Variants in BTBD9 observed in about 807,000 individuals in gnomAD.
BTBD9 encodes BTB domain containing 9, also known as BTB/POZ domain-containing protein 9.
In BTBD9, 49 loss-of-function variants were observed where a neutral mutation model predicts 64.3. The observed-to-expected ratio is 0.76, with a 90% CI of 0.61 to 0.97. The LOEUF (loss-of-function observed/expected upper bound fraction) is 0.97. BTBD9 is among the 50% of genes least tolerant of loss of function. The probability of loss-of-function intolerance (pLI) is 0.00; values close to 1 mark genes in which losing one functional copy is unlikely to be tolerated. For synonymous variants in BTBD9, 260 were observed against 274.7 expected, an observed-to-expected ratio of 0.95 and a Z score of 0.53; for missense variants, 598 against 762.1, an observed-to-expected ratio of 0.78 and a Z score of 2.53.
chr6:38,517,497 T>C (rs1773088446), intron 6 of BTBD9, among the ~76,000 whole-genome samples: 1 of 152,114 alleles, frequency 6.6e-6, no homozygotes, highest in Non-Finnish European at 1.5e-5. Context: ...CAAGTCACTT[T>C]TGGACTTGTA....
intron 9 of BTBD9, among the ~76,000 whole-genome samples, chr6:38,232,699 A>G (rs575595069): frequency 7.1e-6 from 1 of 141,102 alleles, no homozygotes; most frequent in Non-Finnish European, 1.5e-5. Context: ...AGGTCTCGCT[A>G]TGTTACCCAG....
chr6:38,581,720 G>T (rs1201349031), intron 4 of BTBD9, among the ~76,000 whole-genome samples: 2 of 152,168 alleles, frequency 1.3e-5, no homozygotes, highest in African/African-American at 2.4e-5. Flanking sequence ...CTTTGAAGAA[G>T]TTTCCCTCTC....
intron 9 of BTBD9, among the ~76,000 whole-genome samples, chr6:38,228,312 A>G (rs961342140): frequency 1.5e-5 from 2 of 133,324 alleles, no homozygotes; most frequent in Non-Finnish European, 1.5e-5. Context: ...ACACCACTGC[A>G]CTCAGCCTGG....
intron 6 of BTBD9, among the ~76,000 whole-genome samples, chr6:38,548,086 AT>A (rs1247700566): frequency 1.3e-5 from 2 of 152,188 alleles, no homozygotes; most frequent in Admixed American, 6.5e-5. Context: ...TTATACCCTT[AT>A]TTTTTATACT....
intron 10 of BTBD9, among the ~76,000 whole-genome samples, chr6:38,182,140 G>A (rs1398667809): frequency 6.6e-6 from 1 of 152,120 alleles, no homozygotes; most frequent in Non-Finnish European, 1.5e-5. Context: ...TAAGTTTCTG[G>A]GTGACAATGC....
In BTBD9 at chr6:38,193,715, G is replaced by A. The variant is rs534139717; in HGVS notation, c.1563-1118C>T. The A allele has an allele frequency of 2.7e-5, 18 of 670,288 alleles. No homozygotes were observed. The South Asian group carries it at 5.4e-4, about 20-fold the overall frequency. 41.5% of individuals were successfully genotyped at this position (670,288 alleles called of 1,614,324 possible). A position where few individuals can be genotyped will look rare whatever the true frequency, so the allele number is the denominator to read the frequency against. ...TCACAGTTGCTGCCATCCCTCCTCC[G>A]CTCTCACAGTGGAAATGCCAGCTGC... On this transcript the variant is annotated intron_variant, in intron 9 of 10. Transcript: ENST00000481247.
rs1024636725 is a variant in BTBD9, at chr6:38,528,733, C to A, written c.1154+48867G>T. On this transcript the variant is annotated intron_variant, in intron 6 of 10. Transcript: ENST00000481247. The stretch of plus-strand genomic sequence containing the variant: ...CAGTCCTGGCAGAATTCATTACCTG[C>A]TGACTAAAGAGCCTTTGGGCCCTGA... Among the ~76,000 whole-genome samples the A allele has an allele frequency of 2.2e-4, 34 of 152,162 alleles. 1 individual carries two copies. The highest frequency in any genetic ancestry group is 2.1e-3 in the Admixed American group (32 of 15,282).
chr6:38,494,007 G>C (rs984122658), intron 6 of BTBD9, among the ~76,000 whole-genome samples: 2 of 152,134 alleles, frequency 1.3e-5, no homozygotes, highest in Admixed American at 6.5e-5. Context: ...ACAGCTAAAG[G>C]CTGAATGTTA....
intron 9 of BTBD9, among the ~76,000 whole-genome samples, chr6:38,256,137 G>T (rs1033099949): frequency 6.6e-6 from 1 of 152,060 alleles, no homozygotes; most frequent in East Asian, 1.9e-4. Context: ...ATTGCATAAG[G>T]AAAGTTTTTT....
intron 6 of BTBD9, among the ~76,000 whole-genome samples, chr6:38,375,876 A>G (rs1490688074): frequency 6.6e-6 from 1 of 150,832 alleles, no homozygotes; most frequent in Non-Finnish European, 1.5e-5. Flanking sequence ...GAGTCTACAA[A>G]CAAAAGAAAG....
chr6:38,475,043 C>T (rs757975741), intron 6 of BTBD9, among the ~76,000 whole-genome samples: 4 of 152,018 alleles, frequency 2.6e-5, no homozygotes, highest in East Asian at 1.9e-4. Flanking sequence ...CTATACACCC[C>T]TCGAAAATGT....
intron 8 of BTBD9, among the ~76,000 whole-genome samples, chr6:38,272,893 C>T (rs1765243359): frequency 6.6e-6 from 1 of 152,090 alleles, no homozygotes; most frequent in South Asian, 2.1e-4. Context: ...TTGCATTGGA[C>T]ATCAGAGGAC....
intron 4 of BTBD9, among the ~76,000 whole-genome samples, chr6:38,587,027 C>A (rs960620690): frequency 6.6e-6 from 1 of 150,424 alleles, no homozygotes; most frequent in South Asian, 2.1e-4. Context: ...TGTGTCGTTG[C>A]ATTCCAGTGT....
At chr6:38,335,343 C>A (rs1055708879) in intron 7 of BTBD9, among the ~76,000 whole-genome samples, 2 of 151,676 alleles carry the variant, frequency 1.3e-5, no homozygotes, top group African/African-American at 4.9e-5. Context: ...ACCTCCGCCT[C>A]CTGGGTTCAA....
At chr6:38,229,605 C>T (rs6917987) in intron 9 of BTBD9, among the ~76,000 whole-genome samples, 41 of 152,286 alleles carry the variant, frequency 2.7e-4, no homozygotes, top group African/African-American at 9.4e-4. Context: ...ACAGTGTAGA[C>T]TAAGACTGCT....
intron 6 of BTBD9, among the ~76,000 whole-genome samples, chr6:38,374,309 A>ATATATATATATATATATATATG (rs1562095621): frequency 9.5e-6 from 1 of 105,678 alleles, no homozygotes; most frequent in African/African-American, 4.0e-5. Flanking sequence ...ATATATATGT[A>ATATATATATATATATATATATG]TATATATATA....
chr6:38,601,959 A>G (rs555588488), intron 1 of BTBD9, among the ~76,000 whole-genome samples: 1 of 152,334 alleles, frequency 6.6e-6, no homozygotes, highest in South Asian at 2.1e-4. Context: ...AAACACATGT[A>G]ACATGTAGTA....
At chr6:38,621,491 T>C in intron 1 of BTBD9, among the ~76,000 whole-genome samples, 1 of 152,206 alleles carries the variant, frequency 6.6e-6, no homozygotes, top group Non-Finnish European at 1.5e-5. Context: ...GGTTATGCCA[T>C]AGTTAGTGAT....
chr6:38,369,389 G>GA (rs2127603641), intron 6 of BTBD9, among the ~76,000 whole-genome samples: 1 of 152,212 alleles, frequency 6.6e-6, no homozygotes, highest in East Asian at 1.9e-4. Context: ...ATTCCTAATA[G>GA]AATCTCTGAA....
Sources: gnomAD v4.1 joint callset for allele counts (sites outside exome capture counted in the v4.1 genomes callset) on GRCh38, gnomAD v4.1.1 for gene constraint, MANE v1.5 for transcripts, NCBI Gene and HGNC (gene_info 2026-07-23, HGNC 2026-07-21) for gene names.